CACNA1D: variants seen among roughly 807,000 people sequenced by gnomAD.
CACNA1D encodes the protein voltage-dependent L-type calcium channel subunit alpha-1D.
A neutral mutation model predicts 257.1 loss-of-function variants in CACNA1D; 55 were observed. The ratio of observed to expected loss-of-function variants is 0.21; its 90% CI spans 0.17 to 0.27. The LOEUF is 0.27. Ranked by LOEUF, CACNA1D falls within the 10% of genes least tolerant of loss-of-function variation. The pLI is 1.00. For synonymous variants in CACNA1D, 980 were observed against 1,014.9 expected (o/e 0.97, Z 0.65); for missense variants, 1,876 against 2,784.0 (o/e 0.67, Z 7.34).
intron 9 of CACNA1D, among the ~76,000 whole-genome samples, chr3:53,708,979 A>G (rs1049208392): frequency 2.0e-5 from 3 of 152,182 alleles, no homozygotes; most frequent in African/African-American, 7.2e-5. Flanking sequence ...ATAAATTGCC[A>G]TTATAAAAAC....
intron 9 of CACNA1D, among the ~76,000 whole-genome samples, chr3:53,706,600 A>C (rs1410924767): frequency 6.6e-6 from 1 of 152,214 alleles, no homozygotes; most frequent in Non-Finnish European, 1.5e-5. Flanking sequence ...ATCAGACACC[A>C]GTAAAAGTTG....
intron 3 of CACNA1D, among the ~76,000 whole-genome samples, chr3:53,565,436 T>A (rs1427210590): frequency 3.3e-5 from 5 of 152,212 alleles, no homozygotes; most frequent in Non-Finnish European, 7.3e-5. Flanking sequence ...TTAGCAGATA[T>A]AATTTCATTT....
intron 33 of CACNA1D, chr3:53,773,599 G>C (rs570881744): frequency 6.6e-6 from 1 of 152,360 alleles, no homozygotes; most frequent in African/African-American, 2.4e-5. Context: ...GTAAAGGAGG[G>C]ATGTAAGTCA....
intron 18 of CACNA1D, 148 bp downstream of exon 18, chr3:53,732,230 T>C: frequency 1.4e-6 from 1 of 703,396 alleles, no homozygotes; most frequent in Non-Finnish European, 2.6e-6. Context: ...TTAGCTCGCC[T>C]TTTTCCCATG....
chr3:53,764,563 G>C (rs73841001), intron 30 of CACNA1D, among the ~76,000 whole-genome samples: 1 of 152,158 alleles, frequency 6.6e-6, no homozygotes, highest in Admixed American at 6.5e-5. Flanking sequence ...GCTTTCTCAC[G>C]CCTGACCTGC....
intron 17 of CACNA1D, 63 bp from the exon 18 acceptor site, chr3:53,731,951 CTT>C: frequency 1.9e-6 from 2 of 1,064,816 alleles, no homozygotes; most frequent in South Asian, 2.5e-5. Context: ...ACCAGGGTGA[CTT>C]TTCCTCTCTG....
At chr3:53,537,683 A>T (rs1354248593) in intron 3 of CACNA1D, among the ~76,000 whole-genome samples, 2 of 152,200 alleles carry the variant, frequency 1.3e-5, no homozygotes, top group Admixed American at 1.3e-4. Flanking sequence ...GGTAGGTTTC[A>T]CACAGTGTGA....
At position 53,660,146 on chromosome 3, in the gene CACNA1D, A is replaced by G. The variant is rs539914225; in HGVS notation, c.637A>G (p.Ile213Val). 2.5e-6 allele frequency: 4 copies of G among 1,613,944 alleles called. No homozygotes were observed. The highest frequency in any genetic ancestry group is 1.3e-5 in the African/African-American group (1 of 75,024). ...VIVIVGLFSV[I>V]LEQLTKETEG... The stretch of plus-strand genomic sequence containing the variant: ...CTCTTCTTTCAGATTGTTTAGTGTA[A>G]TTTTGGAACAATTAACCAAAGAAAC... Residue 213 changes from isoleucine (I) to valine (V), a missense_variant, in exon 5 of 48, where the codon ATT (isoleucine) becomes GTT (valine). Around this residue, in one of 10 missense-constraint regions of CACNA1D, gnomAD observed 188 missense variants for 390.4 expected, o/e 0.48. Transcript: ENST00000350061.
At chr3:53,643,497 A>G (rs1483853373) in intron 3 of CACNA1D, among the ~76,000 whole-genome samples, 1 of 151,976 alleles carries the variant, frequency 6.6e-6, no homozygotes, top group Non-Finnish European at 1.5e-5. Flanking sequence ...CAATCGACCC[A>G]GCCACTTGAA....
rs2095587763 is a variant in CACNA1D, at chr3:53,809,974, T to C, written c.5872-4T>C. On this transcript the variant is annotated splice_region_variant and splice_polypyrimidine_tract_variant and intron_variant, in intron 46 of 47. Coordinates refer to ENST00000350061, the MANE Select transcript of CACNA1D (RefSeq NM_001128840.3). ...GGTCTCCCAACAGTCCCCTCTTTCC[T>C]CAGATCATGGCAGTTGCCGGCCTAG... 6.2e-7 allele frequency: 1 copy of C among 1,613,810 alleles called. No homozygotes were observed. The highest frequency in any genetic ancestry group is 1.3e-5 in the African/African-American group (1 of 74,876).
Position 53,744,736 on chromosome 3 carries a change from C to T in CACNA1D, c.2919-4C>T. 1 of 1,572,600 alleles carries T rather than the reference C, an allele frequency of 6.4e-7. No individual in the cohort carries two copies. The highest frequency in any genetic ancestry group is 1.3e-5 in the African/African-American group (1 of 74,282). The stretch of plus-strand genomic sequence containing the variant: ...TGCCTGCCGTCTTTCTGCTCCTTCC[C>T]TAGATCCAGTGCCATCTCCGTTGTG... On this transcript the variant is annotated splice_region_variant and splice_polypyrimidine_tract_variant and intron_variant, in intron 22 of 47. Transcript: ENST00000350061.
intron 47 of CACNA1D, among the ~76,000 whole-genome samples, chr3:53,810,751 CTT>C (rs1220888442): frequency 4.3e-4 from 36 of 83,690 alleles, no homozygotes; most frequent in African/African-American, 1.9e-3. Flanking sequence ...GAGCGAGACT[CTT>C]GTCTCAAAAA....
intron 2 of CACNA1D, among the ~76,000 whole-genome samples, chr3:53,498,958 C>T (rs1017824001): frequency 3.9e-5 from 6 of 152,106 alleles, no homozygotes; most frequent in Non-Finnish European, 5.9e-5. Flanking sequence ...GGAGGGAGCT[C>T]GGTAAGCCAG....
intron 8 of CACNA1D, among the ~76,000 whole-genome samples, chr3:53,688,233 G>T (rs946060304): frequency 1.2e-4 from 19 of 152,224 alleles, no homozygotes; most frequent in African/African-American, 4.6e-4. Flanking sequence ...CTGGGGTGAG[G>T]CAGTGATCTG....
At position 53,549,165 on chromosome 3, in the gene CACNA1D, G is replaced by T. The variant is rs536197429; in HGVS notation, c.483+47445G>T. On this transcript the variant is annotated intron_variant, in intron 3 of 47. Coordinates refer to ENST00000350061, the MANE Select transcript of CACNA1D (RefSeq NM_001128840.3). ...TGCCATCTTCTCACTGCTACTGTGG[G>T]GTTTAGCTCTACAGATCAGAGGATG... is the stretch of plus-strand genomic sequence containing the variant. 3.8e-3 allele frequency among the ~76,000 whole-genome samples: 582 copies of T among 152,250 alleles called. 2 individuals are homozygous for T. The highest frequency in any genetic ancestry group is 0.014 in the African/African-American group (561 of 41,524).
rs375545790 is a variant in CACNA1D, at chr3:53,729,714, C to T, written c.2222-728C>T. ...CCTAACCTTTTATTGTGTTTTTTAA[C>T]TGGAACTGCAATGAGCCTCGGGAAG... On this transcript the variant is annotated intron_variant, in intron 15 of 47. Coordinates refer to ENST00000350061, the MANE Select transcript of CACNA1D (RefSeq NM_001128840.3). Among the ~76,000 whole-genome samples, 230 of 152,298 alleles carry T rather than the reference C, an allele frequency of 1.5e-3. 2 individuals carry two copies. Among genetic ancestry groups the T allele is most frequent in the African/African-American group, 5.2e-3 (215 of 41,548 alleles).
chr3:53,803,704 G>A (rs1044781659), intron 44 of CACNA1D, 132 bp downstream of exon 44: 2 of 824,732 alleles, frequency 2.4e-6, no homozygotes, highest in East Asian at 2.5e-5. Context: ...AGAAACTCCA[G>A]GCCAGAGGGA....
At chr3:53,664,628 G>T (rs2094241294) in intron 5 of CACNA1D, among the ~76,000 whole-genome samples, 1 of 152,208 alleles carries the variant, frequency 6.6e-6, no homozygotes, top group African/African-American at 2.4e-5. Flanking sequence ...CTTCCCTGAA[G>T]TTGCCTCTCT....
chr3:53,543,772 A>C (rs533038329), intron 3 of CACNA1D, among the ~76,000 whole-genome samples: 1 of 152,338 alleles, frequency 6.6e-6, no homozygotes, highest in South Asian at 2.1e-4. Flanking sequence ...TATCTCGTCC[A>C]GGGTCACATG....
Sources: gnomAD v4.1 joint callset for allele counts (sites outside exome capture counted in the v4.1 genomes callset) on GRCh38, gnomAD v4.1.1 for gene constraint, gnomAD v4.1.1 regional missense constraint, MANE v1.5 for transcripts, NCBI Gene and HGNC (gene_info 2026-07-23, HGNC 2026-07-21) for gene names.